Variants in ALK observed in about 807,000 individuals in gnomAD.
The protein encoded by ALK is ALK tyrosine kinase receptor.
Under a neutral mutation model 163.1 loss-of-function variants are expected in ALK, and 74 were observed. That is an observed-to-expected ratio of 0.45 (90% CI 0.38 to 0.55). The LOEUF is 0.55. Among genes scored for constraint, ALK ranks in the 20% least tolerant of loss-of-function variants. The pLI is 0.00. For synonymous variants in ALK, 960 were observed against 843.2 expected (o/e 1.14, Z -2.40); for missense variants, 2,063 against 2,105.3 (o/e 0.98, Z 0.39).
intron 8 of ALK, among the ~76,000 whole-genome samples, chr2:29,298,330 T>C (rs1160039909): frequency 6.6e-6 from 1 of 151,816 alleles, no homozygotes; most frequent in African/African-American, 2.4e-5. Context: ...AATCTGTTAA[T>C]TTTTTTTTCT....
Position 29,225,453 on chromosome 2 carries a change from G to A in ALK, c.3172+8C>T, listed in dbSNP as rs77798934. On this transcript the variant is annotated splice_region_variant and intron_variant, in intron 19 of 28. Transcript: ENST00000389048. ...CCCTTGGGAGTCCCTGGGGCTCTGT[G>A]CACTCACCAATCATGATGCCGGAGA... 5 of 1,608,944 alleles carry A rather than the reference G, an allele frequency of 3.1e-6. No homozygotes were observed. In the African/African-American group the frequency reaches 6.7e-5, roughly 22 times the overall value.
chr2:29,518,658 A>T (rs1459405558), intron 4 of ALK, among the ~76,000 whole-genome samples: 1 of 152,230 alleles, frequency 6.6e-6, no homozygotes, highest in Admixed American at 6.5e-5. Context: ...TTTGCTGGTA[A>T]GAATCCCTCT....
chr2:29,852,656 C>T (rs931945351), intron 1 of ALK, among the ~76,000 whole-genome samples: 2 of 152,128 alleles, frequency 1.3e-5, no homozygotes, highest in African/African-American at 2.4e-5. Flanking sequence ...AATGGGTATG[C>T]CTGACAACTC....
chr2:29,560,393 A>C (rs1673986598), intron 3 of ALK, among the ~76,000 whole-genome samples: 2 of 152,234 alleles, frequency 1.3e-5, no homozygotes, highest in Non-Finnish European at 2.9e-5. Flanking sequence ...CTGTAGAGAC[A>C]AGAAATAGAT....
chr2:29,644,107 A>T lies in ALK; in HGVS notation c.952+50743T>A, dbSNP rs1676801810. On this transcript the variant is annotated intron_variant, in intron 3 of 28. Coordinates refer to ENST00000389048, the MANE Select transcript of ALK (RefSeq NM_004304.5). ...GTTCACGTCCTTTGTAGGGACATGG[A>T]TGAAGCTGGAAACCATCATTCTCAG... Among the ~76,000 whole-genome samples, 2 of 152,050 alleles carry T rather than the reference A, an allele frequency of 1.3e-5. 1 individual carries two copies. Among genetic ancestry groups the T allele is most frequent in the South Asian group, 4.2e-4 (2 of 4,814 alleles).
At chr2:29,621,122 A>G (rs1263595889) in intron 3 of ALK, among the ~76,000 whole-genome samples, 6 of 152,158 alleles carry the variant, frequency 3.9e-5, no homozygotes, top group Non-Finnish European at 7.4e-5. Flanking sequence ...TCACAGGCAG[A>G]CTTTCCAGAA....
intron 26 of ALK, among the ~76,000 whole-genome samples, chr2:29,203,837 C>T (rs937511435): frequency 2.6e-5 from 4 of 151,928 alleles, no homozygotes; most frequent in African/African-American, 9.7e-5. Context: ...TTCTTTCATT[C>T]TGGAAATTTA....
chr2:29,826,734 T>A (rs753071155), intron 1 of ALK, among the ~76,000 whole-genome samples: 2 of 152,202 alleles, frequency 1.3e-5, no homozygotes, highest in Non-Finnish European at 2.9e-5. Flanking sequence ...GATCTCCCTT[T>A]CCTCAGCTAT....
chr2:29,613,843 G>A (rs1675763468), intron 3 of ALK, among the ~76,000 whole-genome samples: 1 of 152,180 alleles, frequency 6.6e-6, no homozygotes, highest in Non-Finnish European at 1.5e-5. Context: ...ACTTAGCTTT[G>A]CAGATTCAGC....
chr2:29,476,601 G>A (rs1671528917), intron 4 of ALK, among the ~76,000 whole-genome samples: 1 of 152,076 alleles, frequency 6.6e-6, no homozygotes, highest in South Asian at 2.1e-4. Flanking sequence ...GAGGGAGTGA[G>A]TAGCCCTGAG....
At chr2:29,848,239 A>G (rs1665897088) in intron 1 of ALK, among the ~76,000 whole-genome samples, 1 of 151,882 alleles carries the variant, frequency 6.6e-6, no homozygotes, top group African/African-American at 2.4e-5. Flanking sequence ...GAAAGGCAAA[A>G]ATTGATATTT....
intron 5 of ALK, among the ~76,000 whole-genome samples, chr2:29,343,839 C>A (rs1667871218): frequency 6.6e-6 from 1 of 152,160 alleles, no homozygotes; most frequent in African/African-American, 2.4e-5. Context: ...ACTGGCAGGT[C>A]CCCAGGTACA....
At chr2:29,777,551 G>A (rs964566960) in intron 1 of ALK, among the ~76,000 whole-genome samples, 4 of 151,964 alleles carry the variant, frequency 2.6e-5, no homozygotes, top group African/African-American at 4.8e-5. Context: ...GCAACTTCTC[G>A]CTGACTGGCT....
intron 1 of ALK, among the ~76,000 whole-genome samples, chr2:29,792,404 G>A (rs1039658647): frequency 2.0e-5 from 3 of 151,990 alleles, no homozygotes; most frequent in Admixed American, 1.3e-4. Context: ...ACTGCTGGGG[G>A]CCACTAGTTA....
intron 3 of ALK, among the ~76,000 whole-genome samples, chr2:29,665,736 A>T (rs1464339968): frequency 6.6e-6 from 1 of 152,102 alleles, no homozygotes; most frequent in Non-Finnish European, 1.5e-5. Context: ...GGCCTACTTG[A>T]TATTGTTTGC....
At chr2:29,415,117 T>C (rs1384814138) in intron 4 of ALK, among the ~76,000 whole-genome samples, 1 of 149,008 alleles carries the variant, frequency 6.7e-6, no homozygotes, top group Non-Finnish European at 1.5e-5. Context: ...AGCTTCTTCT[T>C]CCCTCACTAT....
chr2:29,506,556 C>T (rs1672330036), intron 4 of ALK, among the ~76,000 whole-genome samples: 3 of 152,088 alleles, frequency 2.0e-5, no homozygotes, highest in Non-Finnish European at 4.4e-5. Flanking sequence ...ACCATCCTGG[C>T]CAACACGGTG....
rs368570975 is a variant in ALK, at chr2:29,708,358, C to T, written c.787+9220G>A. ...TGCTGGGATTACAGGCATTAATCAC[C>T]GTGCCTGGCCCAGAGAAGATTTAAA... is the stretch of plus-strand genomic sequence containing the variant. On this transcript the variant is annotated intron_variant, in intron 2 of 28. Coordinates refer to ENST00000389048, the MANE Select transcript of ALK (RefSeq NM_004304.5). Among the ~76,000 whole-genome samples the T allele has an allele frequency of 4.1e-4, 63 of 152,268 alleles. 2 individuals carry two copies. The South Asian group carries it at 9.3e-3, about 23-fold the overall frequency.
chr2:29,435,000 A>T (rs1009024266), intron 4 of ALK, among the ~76,000 whole-genome samples: 1 of 152,204 alleles, frequency 6.6e-6, no homozygotes, highest in East Asian at 1.9e-4. Flanking sequence ...TTACACAATT[A>T]TTTAAAGCAC....
Sources: gnomAD v4.1 joint callset for allele counts (sites outside exome capture counted in the v4.1 genomes callset) on GRCh38, gnomAD v4.1.1 for gene constraint, MANE v1.5 for transcripts, NCBI Gene and HGNC (gene_info 2026-07-23, HGNC 2026-07-21) for gene names.